NPIPB8: variants seen among roughly 807,000 people sequenced by gnomAD.
The protein encoded by NPIPB8 is nuclear pore complex-interacting protein family member B8.
A neutral mutation model predicts 5.3 loss-of-function variants in NPIPB8; 3 were observed. The observed-to-expected ratio is 0.57, with a 90% CI of 0.26 to 1.47. The LOEUF is 1.47. Ranked by LOEUF, NPIPB8 falls within the 40% of genes most tolerant of loss-of-function variation. The pLI, the probability that NPIPB8 is intolerant of heterozygous loss-of-function variation, is 0.13. For synonymous variants in NPIPB8, 18 were observed against 23.0 expected, an observed-to-expected ratio of 0.78 and a Z score of 0.62; for missense variants, 50 against 50.2, an observed-to-expected ratio of 1.00 and a Z score of 0.01.
intron 5 of NPIPB8, among the ~76,000 whole-genome samples, chr16:28,652,823 A>C (rs1383070277): frequency 5.8e-5 from 8 of 136,982 alleles, no homozygotes; most frequent in African/African-American, 2.0e-4. Flanking sequence ...GCTGGTCTCG[A>C]ACTTCTGACC....
rs767289790 is a variant in NPIPB8 at position 28,638,409 on chromosome 16, C to A, written c.49C>A (p.Gln17Lys). ...GACCCCACAGTTCCTGTCCCATGACCAGGGCCAGCTCACCAAGGAGCTGCA... is the reference window on the plus strand; with the variant it reads ...GACCCCACAGTTCCTGTCCCATGACAAGGGCCAGCTCACCAAGGAGCTGCA... ...VLTPQFLSHDQGQLTKELQQH... is the reference protein window; with the variant it reads ...VLTPQFLSHDKGQLTKELQQH... Residue 17 changes from glutamine (Q) to lysine (K), a missense_variant, in exon 2 of 8, where the codon CAG becomes AAG. Transcript: ENST00000683297. 1.3e-5 allele frequency: 20 copies of A among 1,572,592 alleles called. No homozygotes were observed. The highest frequency in any genetic ancestry group is 6.8e-5 in the East Asian group (3 of 44,354).
chr16:28,642,321 G>C lies in NPIPB8; in HGVS notation c.120+3841G>C, dbSNP rs1489816727. ...GGGTTTCACCATGTTGGTCAGGCTG[G>C]TCTCGAACTCCTAACCTTGTGATCC... On this transcript the variant is annotated intron_variant, in intron 2 of 7. Coordinates refer to ENST00000683297, the MANE Select transcript of NPIPB8 (RefSeq NM_001310136.2). Among the ~76,000 whole-genome samples, 3 of 151,966 alleles carry C rather than the reference G, an allele frequency of 2.0e-5. No homozygotes were observed. In the East Asian group the frequency reaches 5.8e-4, roughly 30 times the overall value.
chr16:28,640,456 C>T (rs1018044657), intron 2 of NPIPB8, among the ~76,000 whole-genome samples: 1 of 152,106 alleles, frequency 6.6e-6, no homozygotes, highest in African/African-American at 2.4e-5. Flanking sequence ...TGGCTCCCAA[C>T]TCTTTTGCCT....
At chr16:28,644,815 C>T (rs1164700251) in intron 2 of NPIPB8, among the ~76,000 whole-genome samples, 2 of 86,110 alleles carry the variant, frequency 2.3e-5, no homozygotes, top group East Asian at 2.8e-4. Flanking sequence ...GGCATCATGG[C>T]GAAACCCCAT....
In NPIPB8 at chr16:28,638,377, T is replaced by C; in HGVS notation, c.17T>C (p.Ile6Thr). The change falls in exon 2 of 8, where the codon ATT (isoleucine) becomes ACT (threonine). Residue 6 changes from isoleucine to threonine, a missense_variant. Ile to Thr is a moderately conservative substitution (Grantham distance 89). Coordinates refer to ENST00000683297, the MANE Select transcript of NPIPB8 (RefSeq NM_001310136.2). MVKLSIVLTPQFLSHD... is the reference protein window; with the variant it reads MVKLSTVLTPQFLSHD... ...ATTCTGCAAATGGTGAAGCTCTCTA[T>C]TGTCCTGACCCCACAGTTCCTGTCC... 1 of 1,567,820 alleles carries C rather than the reference T, an allele frequency of 6.4e-7. No individual in the cohort carries two copies. The highest frequency in any genetic ancestry group is 8.6e-7 in the Non-Finnish European group (1 of 1,164,054).
At chr16:28,638,217 G>A (rs989350365) in intron 1 of NPIPB8, 67 bp downstream of exon 1, 1 of 1,421,124 alleles carries the variant, frequency 7.0e-7, no homozygotes, top group Admixed American at 2.4e-5. Flanking sequence ...ATTTGAACTT[G>A]GTTCTGTCCT....
chr16:28,652,558 T>C (rs2048058431), intron 5 of NPIPB8, among the ~76,000 whole-genome samples, 194 bp downstream of exon 5: 1 of 109,428 alleles, frequency 9.1e-6, no homozygotes, highest in African/African-American at 4.1e-5. Flanking sequence ...GTTTGTAATT[T>C]TTTCGGGGGA....
At chr16:28,639,951 T>C (rs1361304762) in intron 2 of NPIPB8, among the ~76,000 whole-genome samples, 1 of 150,932 alleles carries the variant, frequency 6.6e-6, no homozygotes, top group Admixed American at 6.6e-5. Flanking sequence ...ATGGCTAACA[T>C]TGTGTACTCA....
At chr16:28,644,804 G>A (rs1408208853) in intron 2 of NPIPB8, 3 of 387,138 alleles carry the variant, frequency 7.7e-6, no homozygotes, top group Non-Finnish European at 1.4e-5. Flanking sequence ...AGACTAGCCA[G>A]GGCATCATGG....
chr16:28,652,607 T>A (rs1032894449), intron 5 of NPIPB8, among the ~76,000 whole-genome samples: 2 of 110,820 alleles, frequency 1.8e-5, no homozygotes, highest in Non-Finnish European at 3.6e-5. Flanking sequence ...TTCCTTTCTC[T>A]CTTTTTTTTT....
At chr16:28,642,422 T>A (rs1257499072) in intron 2 of NPIPB8, among the ~76,000 whole-genome samples, 1 of 151,520 alleles carries the variant, frequency 6.6e-6, no homozygotes, top group Non-Finnish European at 1.5e-5. Context: ...GGCCGGAACA[T>A]GGCTGCAGCA....
intron 3 of NPIPB8, among the ~76,000 whole-genome samples, chr16:28,651,068 T>A (rs1294587663): frequency 1.5e-5 from 1 of 65,010 alleles, no homozygotes; most frequent in African/African-American, 1.2e-4. Flanking sequence ...CACTGCAACC[T>A]CTGCCTCCTG....
At chr16:28,639,749 C>T (rs3987668) in intron 2 of NPIPB8, among the ~76,000 whole-genome samples, 1 of 148,448 alleles carries the variant, frequency 6.7e-6, no homozygotes, top group African/African-American at 2.5e-5. Flanking sequence ...CGCTACACCC[C>T]GTCCAAGATA....
intron 2 of NPIPB8, 65 bp downstream of exon 2, chr16:28,638,545 A>C: frequency 2.0e-6 from 3 of 1,481,426 alleles, no homozygotes; most frequent in Non-Finnish European, 1.8e-6. Flanking sequence ...CAGCTGCCAC[A>C]CATCTCATAG....
intron 2 of NPIPB8, among the ~76,000 whole-genome samples, chr16:28,639,286 G>C (rs1260900159): frequency 6.7e-6 from 1 of 148,842 alleles, no homozygotes; most frequent in Non-Finnish European, 1.5e-5. Context: ...GCTCTGTGCA[G>C]TCTACAAAAA....
intron 5 of NPIPB8, among the ~76,000 whole-genome samples, 195 bp downstream of exon 5, chr16:28,652,559 T>C (rs1360513696): frequency 9.1e-6 from 1 of 109,642 alleles, no homozygotes; most frequent in Admixed American, 9.6e-5. Flanking sequence ...TTTGTAATTT[T>C]TTCGGGGGAA....
Position 28,638,307 on chromosome 16 carries a change from C to A in NPIPB8, c.-38-16C>A. 2 of 1,552,802 alleles carry A rather than the reference C, an allele frequency of 1.3e-6. No homozygotes were observed. Among genetic ancestry groups the A allele is most frequent in the Non-Finnish European group, 1.7e-6 (2 of 1,156,832 alleles). On this transcript the variant is annotated splice_polypyrimidine_tract_variant and intron_variant, in intron 1 of 7. Coordinates refer to ENST00000683297, the MANE Select transcript of NPIPB8 (RefSeq NM_001310136.2). ...TCCACTCATTCAACAAACTTTTTTTCTTAATTGTCTAATAGGTTGGCACTC... is the reference window on the plus strand; with the variant it reads ...TCCACTCATTCAACAAACTTTTTTTATTAATTGTCTAATAGGTTGGCACTC...
chr16:28,637,920 A>G (rs1596669458), upstream of NPIPB8: 5 of 519,866 alleles, frequency 9.6e-6, no homozygotes, highest in East Asian at 4.7e-4. Flanking sequence ...AATTAGTAAT[A>G]TAAAAATGAG....
At position 28,638,461 on chromosome 16, in the gene NPIPB8, C is replaced by A. The variant is rs770527133; in HGVS notation, c.101C>A (p.Pro34Gln). The change falls in exon 2 of 8, where the codon CCA (proline) becomes CAA (glutamine). Residue 34 changes from proline (P) to glutamine (Q), a missense_variant. Transcript: ENST00000683297. ...CAGCATGTAAAGTCAGTGACATGCC[C>A]ATGCGAGTACCTGAGGAAGGTGAGT... is the stretch of plus-strand genomic sequence containing the variant. The part of the protein sequence containing the change: ...LQQHVKSVTC[P>Q]CEYLRKVINS... 10 of 1,567,966 alleles carry A rather than the reference C, an allele frequency of 6.4e-6. No homozygotes were observed. Among genetic ancestry groups the A allele is most frequent in the Non-Finnish European group, 8.6e-6 (10 of 1,164,086 alleles).
Sources: gnomAD v4.1 joint callset for allele counts (sites outside exome capture counted in the v4.1 genomes callset) on GRCh38, gnomAD v4.1.1 for gene constraint, MANE v1.5 for transcripts, NCBI Gene and HGNC (gene_info 2026-07-23, HGNC 2026-07-21) for gene names.